Variants in NUSAP1 observed in about 807,000 individuals in gnomAD.
NUSAP1 encodes nucleolar and spindle-associated protein 1.
In NUSAP1, 32 loss-of-function variants were observed where a neutral mutation model predicts 52.8. That is an observed-to-expected ratio of 0.61 (90% CI 0.46 to 0.81). The LOEUF is 0.81. Among genes scored for constraint, NUSAP1 ranks in the 40% least tolerant of loss-of-function variants. NUSAP1 has a pLI of 0.00. For missense variants in NUSAP1, 499 were observed against 522.3 expected (o/e 0.96, Z 0.43); for synonymous variants, 195 against 183.1 (o/e 1.06, Z -0.52).
chr15:41,351,323 C>T (rs1420473526), intron 4 of NUSAP1, among the ~76,000 whole-genome samples, 194 bp downstream of exon 4: 1 of 152,190 alleles, frequency 6.6e-6, no homozygotes, highest in Admixed American at 6.6e-5. Flanking sequence ...CCATGCTTCT[C>T]TGAGACTCTG....
At position 41,349,146 on chromosome 15, in the gene NUSAP1, A is replaced by G; in HGVS notation, c.211A>G (p.Ile71Val). Reference sequence around the variant, plus strand: ...CTCTTGTGATGAGACTGAGATACAGATCAGCAACCAGGAAGAAGCTGAGAG... The same window carrying G: ...CTCTTGTGATGAGACTGAGATACAGGTCAGCAACCAGGAAGAAGCTGAGAG... ...ASSCDETEIQ[I>V]SNQEEAERQP... Residue 71 changes from isoleucine (I) to valine (V), a missense_variant, in exon 3 of 11, where the codon ATC becomes GTC. Coordinates refer to ENST00000559596, the MANE Select transcript of NUSAP1 (RefSeq NM_016359.5). The G allele has an allele frequency of 1.2e-6, 2 of 1,613,962 alleles. No individual in the cohort carries two copies. Among genetic ancestry groups the G allele is most frequent in the Non-Finnish European group, 8.5e-7 (1 of 1,179,840 alleles).
chr15:41,356,753 T>A (rs2048988972), intron 5 of NUSAP1, among the ~76,000 whole-genome samples: 1 of 152,162 alleles, frequency 6.6e-6, no homozygotes, highest in Admixed American at 6.6e-5. Context: ...AAGGATTCAA[T>A]AAACAACTGA....
At chr15:41,359,228 C>T (rs2049080886) in intron 6 of NUSAP1, among the ~76,000 whole-genome samples, 1 of 152,152 alleles carries the variant, frequency 6.6e-6, no homozygotes, top group Non-Finnish European at 1.5e-5. Context: ...CCTCAGCCTC[C>T]CAAAGTGCTG....
chr15:41,342,915 C>T (rs1209918135), intron 2 of NUSAP1, among the ~76,000 whole-genome samples: 1 of 152,136 alleles, frequency 6.6e-6, no homozygotes, highest in Non-Finnish European at 1.5e-5. Context: ...TGAATCCTTT[C>T]AGATTAACTA....
intron 1 of NUSAP1, among the ~76,000 whole-genome samples, chr15:41,336,655 T>TGGTTTTTTTTTTTGTTTG (rs748827154): frequency 7.1e-6 from 1 of 141,190 alleles, no homozygotes; most frequent in Non-Finnish European, 1.5e-5. Context: ...TTGGTTTTTT[T>TGGTTTTTTTTTTTGTTTG]TTTTTTTTTT....
intron 4 of NUSAP1, among the ~76,000 whole-genome samples, chr15:41,352,718 G>A (rs1211631793): frequency 6.6e-6 from 1 of 151,666 alleles, no homozygotes; most frequent in African/African-American, 2.4e-5. Context: ...CACCACGCCC[G>A]GCTAATTTTT....
At chr15:41,333,076 T>G (rs1167344076) in intron 1 of NUSAP1, 26 bp downstream of exon 1, 1 of 1,578,316 alleles carries the variant, frequency 6.3e-7, no homozygotes, top group Non-Finnish European at 8.6e-7. Flanking sequence ...TGCGGGTCCC[T>G]GGGCGGGCGC....
intron 1 of NUSAP1, among the ~76,000 whole-genome samples, chr15:41,336,147 C>G (rs866295692): frequency 6.6e-6 from 1 of 151,362 alleles, no homozygotes; most frequent in Middle Eastern, 3.2e-3. Context: ...GTAATCCCAG[C>G]TACTCGGGAG....
Position 41,380,382 on chromosome 15 carries a change from T to TG in NUSAP1, c.*199dup. ...TTATCACCTTAAAGCTCAAATTCTT[T>TG]GGGATGGTTTTTACTTAAGTCCATT... On this transcript the variant is annotated 3_prime_UTR_variant, in exon 11 of 11. Coordinates refer to ENST00000559596, the MANE Select transcript of NUSAP1 (RefSeq NM_016359.5). 2.4e-6 allele frequency: 1 copy of TG among 416,140 alleles called. No individual in the cohort carries two copies. The highest frequency in any genetic ancestry group is 3.4e-5 in the South Asian group (1 of 29,274). 25.8% of individuals were successfully genotyped at this position (416,140 alleles called of 1,614,324 possible).
rs149732504 is a variant in NUSAP1 at position 41,358,726 on chromosome 15, T to C, written c.660+468T>C. Among the ~76,000 whole-genome samples the C allele has an allele frequency of 2.0e-5, 3 of 152,126 alleles. No homozygotes were observed. In the East Asian group the frequency reaches 5.8e-4, roughly 29 times the overall value. ...TCCAGCCTGGGTGACAGAGTGAGAC[T>C]CCGTCTCAAAAAAAAAGAAAACAGT... On this transcript the variant is annotated intron_variant, in intron 6 of 10. Transcript: ENST00000559596.
At chr15:41,339,379 A>G (rs2048290285) in intron 1 of NUSAP1, among the ~76,000 whole-genome samples, 1 of 151,880 alleles carries the variant, frequency 6.6e-6, no homozygotes, top group Non-Finnish European at 1.5e-5. Flanking sequence ...TTGGTGGGAA[A>G]TATGAGTGTT....
rs182791045 is a variant in NUSAP1, at chr15:41,376,171, A to C, written c.1123+343A>C. Among the ~76,000 whole-genome samples the C allele has an allele frequency of 9.2e-4, 140 of 151,354 alleles. 1 individual carries two copies. Among genetic ancestry groups the C allele is most frequent in the Admixed American group, 5.9e-3 (90 of 15,180 alleles). ...GCACTTTTGGGAGGCTGAGGTGGGC[A>C]GATCACTTGAGGTCAGGAGTTCGAG... On this transcript the variant is annotated intron_variant, in intron 9 of 10. Transcript: ENST00000559596.
intron 9 of NUSAP1, among the ~76,000 whole-genome samples, chr15:41,376,309 CAAT>C (rs2049932258): frequency 6.7e-6 from 1 of 148,922 alleles, no homozygotes; most frequent in Non-Finnish European, 1.5e-5. Context: ...TGAGGCAGGA[CAAT>C]CGCTTGAACC....
chr15:41,337,723 T>A (rs973459581), intron 1 of NUSAP1, among the ~76,000 whole-genome samples: 3 of 152,102 alleles, frequency 2.0e-5, no homozygotes, highest in African/African-American at 7.2e-5. Context: ...CATTCCCCTC[T>A]GCTCCAGGCA....
intron 1 of NUSAP1, 65 bp downstream of exon 1, chr15:41,333,115 G>C: frequency 1.6e-6 from 2 of 1,252,148 alleles, no homozygotes; most frequent in Non-Finnish European, 2.3e-6. Context: ...GGGGAGATGC[G>C]GTGCGAAGGG....
chr15:41,336,933 T>C (rs1450268702), intron 1 of NUSAP1, among the ~76,000 whole-genome samples: 1 of 151,528 alleles, frequency 6.6e-6, no homozygotes, highest in Non-Finnish European at 1.5e-5. Flanking sequence ...GGAAAATAGA[T>C]GCAATCAACA....
intron 1 of NUSAP1, among the ~76,000 whole-genome samples, chr15:41,337,235 T>C (rs1236946604): frequency 6.6e-6 from 1 of 151,986 alleles, no homozygotes; most frequent in Non-Finnish European, 1.5e-5. Flanking sequence ...CCCTGTCTGG[T>C]CTCCAACTCC....
intron 9 of NUSAP1, among the ~76,000 whole-genome samples, chr15:41,376,064 CTAAAAAATAAAAA>C (rs950458096): frequency 2.1e-4 from 31 of 150,394 alleles, no homozygotes; most frequent in African/African-American, 7.1e-4. Context: ...GAAACTCCAT[CTAAAAAATAAAAA>C]TAAAAAATAA....
intron 1 of NUSAP1, among the ~76,000 whole-genome samples, chr15:41,338,057 C>T (rs1193198725): frequency 6.6e-6 from 1 of 151,456 alleles, no homozygotes; most frequent in Admixed American, 6.6e-5. Flanking sequence ...CTCAGCCACC[C>T]GAGTTCCTGG....
Sources: gnomAD v4.1 joint callset for allele counts (sites outside exome capture counted in the v4.1 genomes callset) on GRCh38, gnomAD v4.1.1 for gene constraint, MANE v1.5 for transcripts, NCBI Gene and HGNC (gene_info 2026-07-23, HGNC 2026-07-21) for gene names.